Variants in PRKCB observed in about 807,000 individuals in gnomAD.
The protein encoded by PRKCB is protein kinase C beta type.
In PRKCB, 13 loss-of-function variants were observed where a neutral mutation model predicts 81.5. The ratio of observed to expected loss-of-function variants is 0.16; its 90% CI spans 0.10 to 0.25. The LOEUF (loss-of-function observed/expected upper bound fraction) is 0.25. Ranked by LOEUF, PRKCB falls within the 10% of genes least tolerant of loss-of-function variation. The pLI, the probability that PRKCB is intolerant of heterozygous loss-of-function variation, is 1.00. For missense variants in PRKCB, 509 were observed against 875.7 expected (o/e 0.58, Z 5.29); for synonymous variants, 335 against 321.4 (o/e 1.04, Z -0.45).
chr16:24,096,832 GGCT>G (rs988062159), intron 7 of PRKCB, among the ~76,000 whole-genome samples: 23 of 150,836 alleles, frequency 1.5e-4, no homozygotes, highest in African/African-American at 5.6e-4. Context: ...GTGGCAATTG[GGCT>G]GCTATTACTT....
chr16:23,995,176 T>G (rs528284376), intron 3 of PRKCB, among the ~76,000 whole-genome samples: 1 of 152,292 alleles, frequency 6.6e-6, no homozygotes, highest in African/African-American at 2.4e-5. Context: ...AAGAGACAGA[T>G]GGCCTACTGG....
At chr16:24,136,093 C>A (rs768677122) in intron 9 of PRKCB, among the ~76,000 whole-genome samples, 3 of 147,626 alleles carry the variant, frequency 2.0e-5, no homozygotes, top group Non-Finnish European at 4.5e-5. Flanking sequence ...CTGATTGCAG[C>A]GTGTTTTTTT....
chr16:24,216,195 TG>T lies in PRKCB; in HGVS notation c.*1383del. 1.0e-6 allele frequency: 1 copy of T among 985,178 alleles called. No individual in the cohort carries two copies. The highest frequency in any genetic ancestry group is 1.2e-6 in the Non-Finnish European group (1 of 829,954). 61.0% of individuals were successfully genotyped at this position (985,178 alleles called of 1,614,324 possible). On this transcript the variant is annotated 3_prime_UTR_variant, in exon 17 of 17. Coordinates refer to ENST00000643927, the MANE Select transcript of PRKCB (RefSeq NM_002738.7). ...TTCAGGGGCTGCTGGTGGGCTGTAGTGGGGTGGGATGACCTGGCCAGAGCCA... is the reference window on the plus strand; with the variant it reads ...TTCAGGGGCTGCTGGTGGGCTGTAGTGGGTGGGATGACCTGGCCAGAGCCA...
intron 9 of PRKCB, chr16:24,151,756 A>C (rs188930385): frequency 4.2e-5 from 19 of 454,720 alleles, no homozygotes; most frequent in African/African-American, 3.2e-4. Context: ...AAGGGCTTTC[A>C]GCATTCAAGT....
Position 24,220,220 on chromosome 16 carries a change from T to C in PRKCB, c.*5404T>C. 1 of 1,382,338 alleles carries C rather than the reference T, an allele frequency of 7.2e-7. No homozygotes were observed. The highest frequency in any genetic ancestry group is 9.9e-7 in the Non-Finnish European group (1 of 1,008,914). The allele number at this position is 1,382,338 out of a possible 1,614,324, so 85.6% of individuals were successfully genotyped here. A position where few individuals can be genotyped will look rare whatever the true frequency, so the allele number is the denominator to read the frequency against. ...ACGGTGCACATGCTGGCATTCAACA[T>C]GTGGAAAGCTTGTCTTAGAGGGCTT... On this transcript the variant is annotated 3_prime_UTR_variant, in exon 17 of 17. Transcript: ENST00000643927.
At chr16:24,060,987 T>A (rs1484533195) in intron 5 of PRKCB, among the ~76,000 whole-genome samples, 1 of 152,204 alleles carries the variant, frequency 6.6e-6, no homozygotes, top group African/African-American at 2.4e-5. Context: ...AAGCTTTTTG[T>A]AGGGACTGAC....
At chr16:23,925,498 T>C (rs1328170234) in intron 2 of PRKCB, among the ~76,000 whole-genome samples, 1 of 152,116 alleles carries the variant, frequency 6.6e-6, no homozygotes, top group Non-Finnish European at 1.5e-5. Context: ...ATCCCATTTC[T>C]AGGGGACTGG....
chr16:23,987,448 A>G (rs753925426), intron 2 of PRKCB, among the ~76,000 whole-genome samples: 1 of 151,660 alleles, frequency 6.6e-6, no homozygotes, highest in Non-Finnish European at 1.5e-5. Flanking sequence ...GTCATTTAAT[A>G]TGTTCCTCTG....
intron 7 of PRKCB, among the ~76,000 whole-genome samples, chr16:24,110,096 G>T (rs1281006021): frequency 7.3e-6 from 1 of 137,638 alleles, no homozygotes; most frequent in East Asian, 2.0e-4. Context: ...GAAAGAGAGG[G>T]AGAGGGAGAC....
Position 23,947,093 on chromosome 16 carries a change from C to T in PRKCB, c.206-41415C>T, listed in dbSNP as rs548283014. On this transcript the variant is annotated intron_variant, in intron 2 of 16. Coordinates refer to ENST00000643927, the MANE Select transcript of PRKCB (RefSeq NM_002738.7). ...CTGGTCTCGAACTTCTGATCTCAAA[C>T]GATCCACCTGCCTTGGCCTCCCAAA... 1.4e-4 allele frequency among the ~76,000 whole-genome samples: 21 copies of T among 152,262 alleles called. No individual in the cohort carries two copies. In the East Asian group the frequency reaches 2.9e-3, roughly 21 times the overall value.
chr16:23,858,351 G>A (rs1034830574), intron 2 of PRKCB, among the ~76,000 whole-genome samples: 2 of 152,124 alleles, frequency 1.3e-5, no homozygotes, highest in African/African-American at 4.8e-5. Context: ...GGGTCACAGA[G>A]GAGCACCATG....
At chr16:23,841,980 A>T (rs994447024) in intron 2 of PRKCB, among the ~76,000 whole-genome samples, 26 of 152,022 alleles carry the variant, frequency 1.7e-4, no homozygotes, top group African/African-American at 4.1e-4. Flanking sequence ...TAATTTTAAA[A>T]TTTTTTGTAG....
intron 3 of PRKCB, among the ~76,000 whole-genome samples, chr16:24,021,032 C>CTTTATTTA (rs1401984747): frequency 2.3e-4 from 32 of 139,494 alleles, no homozygotes; most frequent in African/African-American, 9.0e-4. Flanking sequence ...TTCTTTCTTT[C>CTTTATTTA]TTTCTTTCTC....
chr16:23,902,443 A>G (rs1213679545), intron 2 of PRKCB, among the ~76,000 whole-genome samples: 2 of 152,088 alleles, frequency 1.3e-5, no homozygotes, highest in Non-Finnish European at 2.9e-5. Context: ...TTAAGTTAGT[A>G]TAATACTTAT....
intron 2 of PRKCB, among the ~76,000 whole-genome samples, chr16:23,889,115 C>T (rs539771523): frequency 2.8e-5 from 4 of 143,036 alleles, no homozygotes; most frequent in South Asian, 4.6e-4. Context: ...GCTGTTCACT[C>T]GTCCATCCAT....
intron 2 of PRKCB, among the ~76,000 whole-genome samples, chr16:23,898,552 TG>T (rs1432244346): frequency 1.3e-5 from 2 of 151,998 alleles, no homozygotes; most frequent in Admixed American, 6.6e-5. Flanking sequence ...ATGAGAAGAA[TG>T]GGGTAGGTGA....
intron 12 of PRKCB, among the ~76,000 whole-genome samples, chr16:24,177,959 T>C (rs1967560413): frequency 6.6e-6 from 1 of 152,170 alleles, no homozygotes; most frequent in African/African-American, 2.4e-5. Context: ...GTTCTTGAAA[T>C]TGATAGTCAA....
At chr16:23,869,065 G>A (rs940469156) in intron 2 of PRKCB, 1 of 452,440 alleles carries the variant, frequency 2.2e-6, no homozygotes, top group African/African-American at 2.0e-5. Flanking sequence ...CCTCATACAA[G>A]GATTATACAT....
At chr16:24,082,073 A>G (rs1182829807) in intron 5 of PRKCB, among the ~76,000 whole-genome samples, 5 of 152,212 alleles carry the variant, frequency 3.3e-5, no homozygotes, top group African/African-American at 1.2e-4. Flanking sequence ...ATTTCTATAT[A>G]TTAACAACTA....
Sources: allele counts gnomAD v4.1 joint callset (sites outside exome capture counted in the v4.1 genomes callset), GRCh38; gene constraint gnomAD v4.1.1; transcripts MANE v1.5; gene names NCBI Gene and HGNC (gene_info 2026-07-23, HGNC 2026-07-21).